CSMD1: variants seen among roughly 807,000 people sequenced by gnomAD.
The protein encoded by CSMD1 is CUB and Sushi multiple domains 1.
A neutral mutation model predicts 417.5 loss-of-function variants in CSMD1; 213 were observed. The ratio of observed to expected loss-of-function variants is 0.51; its 90% confidence interval spans 0.46 to 0.57. The LOEUF is 0.57. Ranked by LOEUF, CSMD1 falls within the 20% of genes least tolerant of loss-of-function variation. CSMD1 has a pLI of 0.00. For synonymous variants in CSMD1, 2,862 were observed against 1,736.8 expected (o/e 1.65, Z -16.11); for missense variants, 6,923 against 4,529.7 (o/e 1.53, Z -15.17).
intron 23 of CSMD1, among the ~76,000 whole-genome samples, chr8:3,340,081 C>G (rs911483828): frequency 6.6e-6 from 1 of 152,150 alleles, no homozygotes; most frequent in East Asian, 1.9e-4. Context: ...GTATCAATAT[C>G]GGTCAATATA....
chr8:3,736,486 C>T (rs910618575), intron 6 of CSMD1, among the ~76,000 whole-genome samples: 2 of 152,102 alleles, frequency 1.3e-5, no homozygotes, highest in African/African-American at 4.8e-5. Flanking sequence ...CTGAAGTGAT[C>T]CTCCCTCCTC....
At chr8:3,777,586 C>T (rs1447013688) in intron 5 of CSMD1, among the ~76,000 whole-genome samples, 8 of 152,178 alleles carry the variant, frequency 5.3e-5, no homozygotes, top group East Asian at 1.9e-4. Context: ...AGCTGCCATA[C>T]GGAAGCAGTC....
At chr8:4,057,667 G>T (rs565673731) in intron 3 of CSMD1, among the ~76,000 whole-genome samples, 21 of 134,886 alleles carry the variant, frequency 1.6e-4, no homozygotes, top group African/African-American at 5.6e-4. Flanking sequence ...ATAGTTTTAG[G>T]TGTAACGTTT....
intron 12 of CSMD1, among the ~76,000 whole-genome samples, chr8:3,424,305 A>T (rs270073): frequency 0.91 from 138,984 of 152,230 alleles, 63,511 homozygotes; most frequent in Middle Eastern, 0.96. Flanking sequence ...TTAGTCTATT[A>T]ATTTTGAGTA....
At chr8:3,374,605 G>C (rs973827418) in intron 18 of CSMD1, among the ~76,000 whole-genome samples, 1 of 152,168 alleles carries the variant, frequency 6.6e-6, no homozygotes, top group Non-Finnish European at 1.5e-5. Flanking sequence ...GCACATCCTG[G>C]CAAATGTCCA....
chr8:2,980,012 C>A (rs1262340360), intron 54 of CSMD1, among the ~76,000 whole-genome samples: 2 of 152,164 alleles, frequency 1.3e-5, no homozygotes, highest in African/African-American at 4.8e-5. Flanking sequence ...CTGGAAGACA[C>A]CCACATCGTC....
chr8:3,826,768 A>G lies in CSMD1; in HGVS notation c.819-72726T>C, dbSNP rs565352845. Reference sequence around the variant, plus strand: ...AGGAGGACTCACTTATAAGCATTGAACATATTTTTATTTATTTTTAATTTT... The same window carrying G: ...AGGAGGACTCACTTATAAGCATTGAGCATATTTTTATTTATTTTTAATTTT... On this transcript the variant is annotated intron_variant, in intron 5 of 69. Transcript: ENST00000635120. Among the ~76,000 whole-genome samples, 9 of 151,836 alleles carry G rather than the reference A, an allele frequency of 5.9e-5. No homozygotes were observed. The South Asian group carries it at 1.9e-3, about 32-fold the overall frequency.
intron 2 of CSMD1, among the ~76,000 whole-genome samples, chr8:4,457,922 G>A (rs1385340310): frequency 6.6e-6 from 1 of 152,086 alleles, no homozygotes. Flanking sequence ...TACACCATGG[G>A]GCAGAGTCTA....
Position 3,685,480 on chromosome 8 carries a change from T to A in CSMD1, c.1009+22934A>T, listed in dbSNP as rs187202237. On this transcript the variant is annotated intron_variant, in intron 7 of 69. Coordinates refer to ENST00000635120, the MANE Select transcript of CSMD1 (RefSeq NM_033225.6). Reference sequence around the variant, plus strand: ...AATCGGATGCTGCAGCCGAAGGAGATGGGAGCTCAGACTCAAATCCACCTC... The same window carrying A: ...AATCGGATGCTGCAGCCGAAGGAGAAGGGAGCTCAGACTCAAATCCACCTC... Among the ~76,000 whole-genome samples the A allele has an allele frequency of 2.9e-3, 443 of 152,244 alleles. 1 individual carries two copies. The highest frequency in any genetic ancestry group is 0.01 in the African/African-American group (427 of 41,552).
chr8:3,182,770 TTG>T (rs1396306768), intron 36 of CSMD1, among the ~76,000 whole-genome samples: 1 of 145,172 alleles, frequency 6.9e-6, no homozygotes, highest in Non-Finnish European at 1.5e-5. Flanking sequence ...TGTGTGTGTA[TTG>T]TTAGAGAAGT....
intron 18 of CSMD1, among the ~76,000 whole-genome samples, chr8:3,380,124 A>G (rs1193737010): frequency 2.0e-5 from 3 of 152,236 alleles, no homozygotes; most frequent in Admixed American, 1.3e-4. Flanking sequence ...TGCAGCCAAC[A>G]AACATAAGAA....
chr8:4,375,561 A>G (rs73175793), intron 3 of CSMD1, among the ~76,000 whole-genome samples: 1 of 152,026 alleles, frequency 6.6e-6, no homozygotes, highest in Non-Finnish European at 1.5e-5. Context: ...TCTTACTAAC[A>G]TTAGCATTTC....
At chr8:4,298,321 T>C (rs377635092) in intron 3 of CSMD1, among the ~76,000 whole-genome samples, 2 of 152,214 alleles carry the variant, frequency 1.3e-5, no homozygotes, top group East Asian at 1.9e-4. Flanking sequence ...TTCTCAGTTG[T>C]CCTTTCATTC....
chr8:3,911,953 A>C (rs1018597542), intron 5 of CSMD1, among the ~76,000 whole-genome samples: 4 of 152,174 alleles, frequency 2.6e-5, no homozygotes, highest in African/African-American at 7.2e-5. Flanking sequence ...TGTCCACCTG[A>C]ATCTTACATC....
At chr8:3,611,329 T>C (rs1272884176) in intron 8 of CSMD1, among the ~76,000 whole-genome samples, 3 of 152,066 alleles carry the variant, frequency 2.0e-5, no homozygotes, top group Non-Finnish European at 4.4e-5. Context: ...ACGTAATGTG[T>C]CTCTAGGGCT....
At chr8:4,763,835 C>A (rs571112319) in intron 1 of CSMD1, among the ~76,000 whole-genome samples, 4 of 152,064 alleles carry the variant, frequency 2.6e-5, no homozygotes, top group Non-Finnish European at 5.9e-5. Context: ...GGTTTAATTT[C>A]CATTTGAAAT....
intron 12 of CSMD1, among the ~76,000 whole-genome samples, chr8:3,457,443 G>A (rs1366538828): frequency 7.9e-5 from 12 of 152,144 alleles, no homozygotes; most frequent in Admixed American, 6.5e-4. Context: ...CAGAAGAAAC[G>A]GAGCTCCACA....
intron 10 of CSMD1, among the ~76,000 whole-genome samples, chr8:3,569,682 C>T (rs1429786527): frequency 1.3e-5 from 2 of 152,126 alleles, no homozygotes; most frequent in Non-Finnish European, 2.9e-5. Flanking sequence ...CTTTCATCAA[C>T]GTGCACTTAA....
At chr8:3,527,328 C>T (rs558383449) in intron 10 of CSMD1, among the ~76,000 whole-genome samples, 1 of 152,104 alleles carries the variant, frequency 6.6e-6, no homozygotes, top group South Asian at 2.1e-4. Flanking sequence ...TAAAGGCACT[C>T]GTGCCCTTTC....
Sources: gnomAD v4.1 joint callset for allele counts (sites outside exome capture counted in the v4.1 genomes callset) on GRCh38, gnomAD v4.1.1 for gene constraint, MANE v1.5 for transcripts, NCBI Gene and HGNC (gene_info 2026-07-23, HGNC 2026-07-21) for gene names.